The following RBFOX1 variants were observed in gnomAD, a reference collection of about 807,000 sequenced individuals.
The protein encoded by RBFOX1 is RNA binding fox-1 homolog 1.
A neutral mutation model predicts 57.7 loss-of-function variants in RBFOX1; 8 were observed. The observed-to-expected ratio is 0.14, with a 90% CI of 0.08 to 0.25. The LOEUF is 0.25. Among genes scored for constraint, RBFOX1 ranks in the 10% least tolerant of loss-of-function variants. The probability of loss-of-function intolerance (pLI) is 1.00; values close to 1 mark genes in which losing one functional copy is unlikely to be tolerated. For missense variants in RBFOX1, 611 were observed against 548.5 expected, an observed-to-expected ratio of 1.11 and a Z score of -1.14; for synonymous variants, 326 against 222.4, an observed-to-expected ratio of 1.47 and a Z score of -4.15.
At chr16:5,731,197 C>T (rs551979217) in intron 3 of RBFOX1, among the ~76,000 whole-genome samples, 4 of 151,702 alleles carry the variant, frequency 2.6e-5, no homozygotes, top group African/African-American at 9.8e-5. Flanking sequence ...ACCAGTGTCA[C>T]CGTTATCATC....
chr16:7,373,663 T>A (rs1281330189), intron 4 of RBFOX1, among the ~76,000 whole-genome samples: 2 of 151,842 alleles, frequency 1.3e-5, no homozygotes, highest in East Asian at 4.1e-4. Flanking sequence ...AGAAGTGGTG[T>A]CTGACCTGTG....
chr16:5,442,971 A>G (rs1443255052), intron 1 of RBFOX1, among the ~76,000 whole-genome samples: 2 of 152,188 alleles, frequency 1.3e-5, no homozygotes, highest in African/African-American at 4.8e-5. Flanking sequence ...GGGGACAAAC[A>G]TGGAAAGACA....
At chr16:7,040,134 C>G (rs972916250) in intron 3 of RBFOX1, among the ~76,000 whole-genome samples, 1 of 152,026 alleles carries the variant, frequency 6.6e-6, no homozygotes, top group African/African-American at 2.4e-5. Context: ...AATTCTCCTG[C>G]CTCAGCCTCC....
chr16:6,659,881 C>T (rs185503853), intron 3 of RBFOX1, among the ~76,000 whole-genome samples: 1 of 152,166 alleles, frequency 6.6e-6, no homozygotes, highest in Non-Finnish European at 1.5e-5. Flanking sequence ...TGATTCGGTT[C>T]CTAGGTTTGG....
intron 2 of RBFOX1, among the ~76,000 whole-genome samples, chr16:6,325,527 A>G (rs545837615): frequency 6.6e-6 from 1 of 152,172 alleles, no homozygotes; most frequent in East Asian, 1.9e-4. Context: ...CTTCATTTAA[A>G]CTAAAGAGTA....
rs907771883 is a variant in RBFOX1, at chr16:7,430,810, C to G, written c.28-87337C>G. Among the ~76,000 whole-genome samples, 28 of 152,168 alleles carry G rather than the reference C, an allele frequency of 1.8e-4. 1 individual carries two copies. The highest frequency in any genetic ancestry group is 1.6e-3 in the Admixed American group (25 of 15,268). On this transcript the variant is annotated intron_variant, in intron 4 of 15. Coordinates refer to ENST00000550418, the MANE Select transcript of RBFOX1 (RefSeq NM_018723.4). ...TACCTGGATGGCCAAGTGCAAGTCA[C>G]TTAACTTTTTATAATCTAAGCATCC... is the stretch of plus-strand genomic sequence containing the variant.
chr16:6,007,479 T>A (rs1596391188), intron 4 of RBFOX1, among the ~76,000 whole-genome samples: 1 of 152,268 alleles, frequency 6.6e-6, no homozygotes, highest in East Asian at 1.9e-4. Context: ...CAGCCACAGT[T>A]GACATGTTGA....
intron 1 of RBFOX1, chr16:6,037,761 A>AT (rs1193294118): frequency 1.3e-5 from 2 of 151,822 alleles, no homozygotes; most frequent in South Asian, 2.1e-4. Context: ...CGCCAGGCTA[A>AT]TTTTTTATAT....
chr16:6,616,343 G>T (rs2098140483), intron 2 of RBFOX1, among the ~76,000 whole-genome samples: 1 of 151,388 alleles, frequency 6.6e-6, no homozygotes, highest in African/African-American at 2.4e-5. Context: ...CCCCAACCGT[G>T]CCCAGTGATA....
chr16:5,953,510 A>T (rs1032136218), intron 4 of RBFOX1, among the ~76,000 whole-genome samples: 8 of 151,930 alleles, frequency 5.3e-5, no homozygotes, highest in African/African-American at 1.7e-4. Flanking sequence ...TTTCCCCCCG[A>T]GTCCCCAAAG....
chr16:5,821,593 A>T (rs528656075), intron 3 of RBFOX1, among the ~76,000 whole-genome samples: 1 of 152,124 alleles, frequency 6.6e-6, no homozygotes, highest in Admixed American at 6.5e-5. Flanking sequence ...ATGACCTACC[A>T]TGTCTGGTTC....
At chr16:6,851,926 GTT>G (rs71147610) in intron 3 of RBFOX1, among the ~76,000 whole-genome samples, 93 of 143,596 alleles carry the variant, frequency 6.5e-4, no homozygotes, top group South Asian at 2.0e-3. Flanking sequence ...TTTCCATTGG[GTT>G]TTTTTTTTTT....
rs188303149 is a variant in RBFOX1, at chr16:5,717,379, G to A, written c.318+118418G>A. Among the ~76,000 whole-genome samples, 1,195 of 151,546 alleles carry A rather than the reference G, an allele frequency of 7.9e-3. 23 individuals are homozygous for A. The highest frequency in any genetic ancestry group is 0.028 in the African/African-American group (1,148 of 41,212). ...AAAAATGTTTACTTTCAATAGTTTTGGCGGTACAGGTGGTTTTTGGTTATA... is the reference window on the plus strand; with the variant it reads ...AAAAATGTTTACTTTCAATAGTTTTAGCGGTACAGGTGGTTTTTGGTTATA... On this transcript the variant is annotated intron_variant, in intron 3 of 19. Transcript: ENST00000641259.
At chr16:6,048,112 T>A (rs2152429668) in intron 1 of RBFOX1, among the ~76,000 whole-genome samples, 2 of 152,332 alleles carry the variant, frequency 1.3e-5, no homozygotes, top group South Asian at 4.1e-4. Context: ...CATTTTACGG[T>A]AAAATTGCCA....
chr16:6,812,010 T>C (rs12923584), intron 3 of RBFOX1, among the ~76,000 whole-genome samples: 55,032 of 152,112 alleles, frequency 0.36, 11,037 homozygotes, highest in Non-Finnish European at 0.45. Context: ...GGCCATGCCA[T>C]TTCTCCAGAT....
intron 4 of RBFOX1, among the ~76,000 whole-genome samples, chr16:7,212,037 A>C (rs2091243759): frequency 6.6e-6 from 1 of 152,102 alleles, no homozygotes; most frequent in Non-Finnish European, 1.5e-5. Flanking sequence ...GTTTCTGGAA[A>C]AGTGGGGCCA....
intron 1 of RBFOX1, among the ~76,000 whole-genome samples, chr16:5,395,713 G>T (rs2066533254): frequency 6.6e-6 from 1 of 152,128 alleles, no homozygotes; most frequent in South Asian, 2.1e-4. Flanking sequence ...ATGCTCTGTT[G>T]CACCTCTGAT....
At chr16:6,796,938 C>T (rs1191609141) in intron 3 of RBFOX1, among the ~76,000 whole-genome samples, 1 of 152,148 alleles carries the variant, frequency 6.6e-6, no homozygotes, top group East Asian at 1.9e-4. Flanking sequence ...AATTGGAAAT[C>T]ATTGAGTACT....
At chr16:7,281,669 T>G (rs1715629959) in intron 4 of RBFOX1, among the ~76,000 whole-genome samples, 1 of 152,142 alleles carries the variant, frequency 6.6e-6, no homozygotes, top group Admixed American at 6.5e-5. Flanking sequence ...GTCCAGCCAC[T>G]GAGAGCAATA....
Sources: allele counts gnomAD v4.1 joint callset (sites outside exome capture counted in the v4.1 genomes callset), GRCh38; gene constraint gnomAD v4.1.1; transcripts MANE v1.5; gene names NCBI Gene and HGNC (gene_info 2026-07-23, HGNC 2026-07-21).